The following CADPS variants were observed in gnomAD, a reference collection of about 807,000 sequenced individuals.
CADPS encodes the protein calcium-dependent secretion activator 1.
CADPS carries 57 observed loss-of-function variants against 167.3 expected under a neutral mutation model. The observed-to-expected ratio is 0.34, with a 90% CI of 0.28 to 0.42. The LOEUF is 0.42. Among genes scored for constraint, CADPS ranks in the 20% least tolerant of loss-of-function variants. The pLI is 1.00. For missense variants in CADPS, 1,414 were observed against 1,738.1 expected, an observed-to-expected ratio of 0.81 and a Z score of 3.32; for synonymous variants, 676 against 635.3, an observed-to-expected ratio of 1.06 and a Z score of -0.96.
At chr3:62,761,111 G>C (rs1299058610) in intron 2 of CADPS, among the ~76,000 whole-genome samples, 2 of 152,058 alleles carry the variant, frequency 1.3e-5, no homozygotes, top group African/African-American at 4.8e-5. Context: ...CTTACTATCT[G>C]GCTTCCTGAA....
chr3:62,499,042 G>A, intron 18 of CADPS, 120 bp downstream of exon 18: 1 of 578,392 alleles, frequency 1.7e-6, no homozygotes, highest in South Asian at 2.7e-5. Flanking sequence ...CATTCCCTTT[G>A]CAATCCCAGT....
intron 1 of CADPS, among the ~76,000 whole-genome samples, chr3:62,844,164 C>G (rs2077042258): frequency 6.6e-6 from 1 of 152,176 alleles, no homozygotes; most frequent in Admixed American, 6.5e-5. Flanking sequence ...AGACAAATCA[C>G]AGTTGTAAGG....
intron 6 of CADPS, among the ~76,000 whole-genome samples, chr3:62,615,895 C>T (rs2062195438): frequency 6.6e-6 from 1 of 152,162 alleles, no homozygotes; most frequent in Non-Finnish European, 1.5e-5. Flanking sequence ...AATAAGACAA[C>T]CCTGCAACCT....
intron 9 of CADPS, among the ~76,000 whole-genome samples, chr3:62,568,526 A>C (rs578057973): frequency 2.2e-4 from 34 of 152,114 alleles, no homozygotes; most frequent in African/African-American, 8.0e-4. Context: ...ATACACTGGG[A>C]CTTGTACCAG....
intron 8 of CADPS, among the ~76,000 whole-genome samples, chr3:62,583,426 G>T (rs900769098): frequency 1.3e-5 from 2 of 152,128 alleles, no homozygotes; most frequent in African/African-American, 4.8e-5. Flanking sequence ...TAAGAAGGAA[G>T]AACGGTAGAC....
At chr3:62,579,973 A>C (rs1248673309) in intron 8 of CADPS, among the ~76,000 whole-genome samples, 1 of 152,068 alleles carries the variant, frequency 6.6e-6, no homozygotes, top group Admixed American at 6.5e-5. Flanking sequence ...TGAATTCTAG[A>C]TTTATCTTGA....
intron 3 of CADPS, among the ~76,000 whole-genome samples, chr3:62,681,083 C>T (rs7650421): frequency 0.73 from 111,571 of 151,848 alleles, 41,363 homozygotes; most frequent in East Asian, 0.95. Context: ...TTTGCTGACA[C>T]AGTTTTCTTG....
chr3:62,489,935 A>G (rs1001999122), intron 21 of CADPS, among the ~76,000 whole-genome samples: 4 of 152,196 alleles, frequency 2.6e-5, no homozygotes. Context: ...AGAGACTGTT[A>G]TAAACTGGAG....
At chr3:62,690,879 A>T (rs2078983001) in intron 3 of CADPS, among the ~76,000 whole-genome samples, 1 of 152,066 alleles carries the variant, frequency 6.6e-6, no homozygotes, top group Non-Finnish European at 1.5e-5. Flanking sequence ...CTGTACACAG[A>T]TATTCATAGC....
At chr3:62,506,960 A>T (rs2066798089) in intron 17 of CADPS, among the ~76,000 whole-genome samples, 1 of 152,208 alleles carries the variant, frequency 6.6e-6, no homozygotes, top group Admixed American at 6.5e-5. Context: ...GCAGCTGGAG[A>T]TATGAAAACA....
intron 21 of CADPS, 115 bp from the exon 22 acceptor site, chr3:62,481,984 A>T: frequency 9.9e-7 from 1 of 1,012,670 alleles, no homozygotes. Flanking sequence ...ACAACAGCAA[A>T]AACTCAAGCG....
chr3:62,599,780 T>TATATTATATATAATG (rs1491429269), intron 6 of CADPS, among the ~76,000 whole-genome samples: 1 of 12,310 alleles, frequency 8.1e-5, no homozygotes, highest in Non-Finnish European at 1.4e-4. Context: ...AATATATATA[T>TATATTATATATAATG]TATATATAAT....
At chr3:62,864,409 A>G (rs2081326764) in intron 1 of CADPS, among the ~76,000 whole-genome samples, 1 of 152,174 alleles carries the variant, frequency 6.6e-6, no homozygotes, top group Non-Finnish European at 1.5e-5. Context: ...ATAACCAAGA[A>G]TCACCAACTG....
At chr3:62,663,644 T>C (rs13100495) in intron 3 of CADPS, among the ~76,000 whole-genome samples, 11,359 of 149,460 alleles carry the variant, frequency 0.076, 563 homozygotes, top group Non-Finnish European at 0.11. Flanking sequence ...TTCTCACCTA[T>C]GCTGTGAAAT....
At chr3:62,494,790 T>A (rs1352640385) in intron 18 of CADPS, among the ~76,000 whole-genome samples, 3 of 150,242 alleles carry the variant, frequency 2.0e-5, no homozygotes, top group Non-Finnish European at 2.9e-5. Context: ...TACAGGCGCC[T>A]GCCACCATAC....
intron 3 of CADPS, among the ~76,000 whole-genome samples, chr3:62,687,235 C>G (rs1387708377): frequency 6.6e-6 from 1 of 152,082 alleles, no homozygotes; most frequent in Non-Finnish European, 1.5e-5. Flanking sequence ...GCTGATGTCA[C>G]TCAGCAATTT....
chr3:62,600,191 G>A (rs1387168789), intron 6 of CADPS, among the ~76,000 whole-genome samples: 2 of 146,566 alleles, frequency 1.4e-5, no homozygotes, highest in Non-Finnish European at 3.0e-5. Context: ...TCTCTGAAGT[G>A]CACACAGCAG....
At chr3:62,576,009 G>A (rs2082195598) in intron 8 of CADPS, among the ~76,000 whole-genome samples, 1 of 152,174 alleles carries the variant, frequency 6.6e-6, no homozygotes, top group African/African-American at 2.4e-5. Flanking sequence ...GCGTTTTCTT[G>A]GGTGGAAACA....
At chr3:62,761,586 A>G (rs2085452653) in intron 2 of CADPS, among the ~76,000 whole-genome samples, 1 of 151,990 alleles carries the variant, frequency 6.6e-6, no homozygotes, top group Non-Finnish European at 1.5e-5. Context: ...TGAGTTTTGT[A>G]AAACTTTTTT....
Sources: gnomAD v4.1 joint callset for allele counts (sites outside exome capture counted in the v4.1 genomes callset) on GRCh38, gnomAD v4.1.1 for gene constraint, MANE v1.5 for transcripts, NCBI Gene and HGNC (gene_info 2026-07-23, HGNC 2026-07-21) for gene names.